Variants in ARID4A observed in about 807,000 individuals in gnomAD.
The protein encoded by ARID4A is AT-rich interaction domain 4A.
ARID4A carries 39 observed loss-of-function variants against 148.6 expected under a neutral mutation model. The observed-to-expected ratio is 0.26, with a 90% CI of 0.20 to 0.34. The LOEUF (loss-of-function observed/expected upper bound fraction) is 0.34. Ranked by LOEUF, ARID4A falls within the 10% of genes least tolerant of loss-of-function variation. The pLI is 1.00. For missense variants in ARID4A, 1,265 were observed against 1,449.1 expected (o/e 0.87, Z 2.06); for synonymous variants, 475 against 481.2 (o/e 0.99, Z 0.17).
intron 7 of ARID4A, among the ~76,000 whole-genome samples, chr14:58,321,160 A>G (rs1201617626): frequency 6.6e-6 from 1 of 152,176 alleles, no homozygotes; most frequent in Non-Finnish European, 1.5e-5. Flanking sequence ...CCCCTTTGTA[A>G]AATCTGTGTG....
intron 23 of ARID4A, among the ~76,000 whole-genome samples, chr14:58,369,304 T>C (rs1566730108): frequency 6.6e-6 from 1 of 152,068 alleles, no homozygotes; most frequent in African/African-American, 2.4e-5. Flanking sequence ...CACCAAAGCA[T>C]ATGAAATTTC....
chr14:58,300,797 T>C (rs2031092151), intron 2 of ARID4A, among the ~76,000 whole-genome samples: 2 of 150,116 alleles, frequency 1.3e-5, no homozygotes, highest in Non-Finnish European at 3.0e-5. Flanking sequence ...GGATACACTT[T>C]AACTTCCGGA....
intron 19 of ARID4A, among the ~76,000 whole-genome samples, chr14:58,363,487 G>A (rs1352887777): frequency 3.9e-5 from 6 of 152,220 alleles, no homozygotes; most frequent in Non-Finnish European, 7.4e-5. Context: ...ATCACTTGAG[G>A]TCAGGAGTTT....
At chr14:58,310,145 C>A (rs2031910950) in intron 5 of ARID4A, among the ~76,000 whole-genome samples, 2 of 151,990 alleles carry the variant, frequency 1.3e-5, no homozygotes, top group African/African-American at 4.8e-5. Context: ...ACTTAGTATT[C>A]CCATGATATT....
At chr14:58,312,534 T>TA (rs1019013665) in intron 5 of ARID4A, among the ~76,000 whole-genome samples, 6 of 152,084 alleles carry the variant, frequency 3.9e-5, no homozygotes, top group Admixed American at 3.3e-4. Context: ...AATTTTTTTT[T>TA]AAAAAAACTA....
chr14:58,365,393 T>C, intron 20 of ARID4A, 93 bp downstream of exon 20: 1 of 1,455,878 alleles, frequency 6.9e-7, no homozygotes, highest in Non-Finnish European at 9.2e-7. Flanking sequence ...AAGTACTTTC[T>C]TTTTCTTTTC....
intron 3 of ARID4A, among the ~76,000 whole-genome samples, chr14:58,302,231 C>T (rs540268826): frequency 2.6e-5 from 4 of 151,742 alleles, no homozygotes; most frequent in Non-Finnish European, 2.9e-5. Context: ...CGGTGACTCA[C>T]GCCTGTAATC....
Position 58,373,107 on chromosome 14 carries a change from C to T in ARID4A, c.*1118C>T, listed in dbSNP as rs1336411040. ...GTATGTCCTTGTTTAGAAACTTTGG[C>T]AGTCCTAGTATTTAAACTGTTTTGA... On this transcript the variant is annotated 3_prime_UTR_variant, in exon 24 of 24. Transcript: ENST00000355431. 1.5e-5 allele frequency: 3 copies of T among 197,958 alleles called. No individual in the cohort carries two copies. The highest frequency in any genetic ancestry group is 6.1e-5 in the Admixed American group (1 of 16,468). 12.3% of individuals were successfully genotyped at this position (197,958 alleles called of 1,614,324 possible). A position where few individuals can be genotyped will look rare whatever the true frequency, so the allele number is the denominator to read the frequency against.
At chr14:58,326,757 G>T (rs998772680) in intron 8 of ARID4A, among the ~76,000 whole-genome samples, 1 of 152,126 alleles carries the variant, frequency 6.6e-6, no homozygotes, top group Non-Finnish European at 1.5e-5. Flanking sequence ...TAGACCTTGG[G>T]TTATGCCTAC....
intron 17 of ARID4A, among the ~76,000 whole-genome samples, chr14:58,354,790 G>A (rs2034800453): frequency 6.6e-6 from 1 of 152,140 alleles, no homozygotes; most frequent in Admixed American, 6.5e-5. Context: ...TATCTAGAAG[G>A]AGAGACAGTT....
chr14:58,366,526 C>G (rs1237475332), intron 22 of ARID4A, among the ~76,000 whole-genome samples: 1 of 152,020 alleles, frequency 6.6e-6, no homozygotes, highest in African/African-American at 2.4e-5. Context: ...TAGAAATAGC[C>G]AGTAGTTATT....
intron 5 of ARID4A, among the ~76,000 whole-genome samples, chr14:58,317,139 G>A (rs764080778): frequency 2.9e-4 from 42 of 144,742 alleles, no homozygotes; most frequent in Non-Finnish European, 5.0e-4. Flanking sequence ...CTTGCAGTGA[G>A]CTGAGATCGC....
At chr14:58,319,101 C>G (rs544831082) in intron 7 of ARID4A, among the ~76,000 whole-genome samples, 1 of 152,156 alleles carries the variant, frequency 6.6e-6, no homozygotes, top group African/African-American at 2.4e-5. Context: ...GCTCTGTTGC[C>G]CAGGCTGGAG....
chr14:58,344,675 T>A lies in ARID4A; in HGVS notation c.907-20T>A. 1 of 1,562,650 alleles carries A rather than the reference T, an allele frequency of 6.4e-7. No individual in the cohort carries two copies. Among genetic ancestry groups the A allele is most frequent in the Non-Finnish European group, 8.8e-7 (1 of 1,139,580 alleles). ...TTTCCAGTTCACTGTGCCATACATT[T>A]ATATATTTTATCTTTACAGCCTGAG... On this transcript the variant is annotated intron_variant, in intron 11 of 23. Transcript: ENST00000355431.
At chr14:58,355,015 A>G (rs765865719) in intron 17 of ARID4A, among the ~76,000 whole-genome samples, 3 of 152,320 alleles carry the variant, frequency 2.0e-5, no homozygotes, top group East Asian at 3.9e-4. Context: ...TCATGTTTCA[A>G]CAGCAGGACA....
At chr14:58,323,754 A>T (rs964188670) in intron 8 of ARID4A, 137 bp downstream of exon 8, 1 of 705,004 alleles carries the variant, frequency 1.4e-6, no homozygotes, top group Non-Finnish European at 2.4e-6. Context: ...TTGAATAATC[A>T]TAGTCAGGTC....
At chr14:58,300,794 C>T (rs1220661486) in intron 2 of ARID4A, among the ~76,000 whole-genome samples, 2 of 147,612 alleles carry the variant, frequency 1.4e-5, no homozygotes, top group African/African-American at 2.5e-5. Flanking sequence ...TATGGATACA[C>T]TTTAACTTCC....
intron 5 of ARID4A, 57 bp from the exon 6 acceptor site, chr14:58,318,485 T>C: frequency 6.6e-7 from 1 of 1,514,336 alleles, no homozygotes; most frequent in Non-Finnish European, 9.2e-7. Flanking sequence ...TTCTGTGCTT[T>C]TAAGTTTTTA....
At chr14:58,361,245 T>A (rs1265995824) in intron 19 of ARID4A, 1 of 376,876 alleles carries the variant, frequency 2.7e-6, no homozygotes, top group Admixed American at 6.7e-5. Flanking sequence ...GGTTTTTGAT[T>A]TTTTTTTTTT....
Sources: gnomAD v4.1 joint callset for allele counts (sites outside exome capture counted in the v4.1 genomes callset) on GRCh38, gnomAD v4.1.1 for gene constraint, MANE v1.5 for transcripts, NCBI Gene and HGNC (gene_info 2026-07-23, HGNC 2026-07-21) for gene names.